Variants in PIAS3 observed in about 807,000 individuals in gnomAD.
The protein encoded by PIAS3 is protein inhibitor of activated STAT 3.
In PIAS3, 34 loss-of-function variants were observed where a neutral mutation model predicts 67.6. The ratio of observed to expected loss-of-function variants is 0.50; its 90% confidence interval spans 0.38 to 0.67. PIAS3 has a LOEUF of 0.67. Among genes scored for constraint, PIAS3 ranks in the 30% least tolerant of loss-of-function variants. The probability of loss-of-function intolerance (pLI) is 0.00; values close to 1 mark genes in which losing one functional copy is unlikely to be tolerated. For synonymous variants in PIAS3, 341 were observed against 313.8 expected (o/e 1.09, Z -0.92); for missense variants, 693 against 791.6 (o/e 0.88, Z 1.49).
chr1:145,858,979 C>T lies in PIAS3; in HGVS notation c.12G>A (p.Leu4=), dbSNP rs782036403. The change falls in exon 1 of 14, where the codon CTG becomes CTA. Residue 4 remains leucine (L), a synonymous_variant. Coordinates refer to ENST00000393045, the MANE Select transcript of PIAS3 (RefSeq NM_006099.3). ...AGGGGGCCGGTACCTTTAATTCGCC[C>T]AGCTCCGCCATCTTGAGACATCGCA... MAE[L]GELKHMVMSF... 1.9e-6 allele frequency: 3 copies of T among 1,543,918 alleles called. No individual in the cohort carries two copies. Among genetic ancestry groups the T allele is most frequent in the Non-Finnish European group, 2.6e-6 (3 of 1,146,124 alleles).
intron 13 of PIAS3, 116 bp downstream of exon 13, chr1:145,850,116 C>T (rs782609555): frequency 6.4e-7 from 1 of 1,568,984 alleles, no homozygotes. Flanking sequence ...CACCCCACTG[C>T]CCTCACGGGA....
At chr1:145,858,945 G>A (rs1553736128) in intron 1 of PIAS3, 22 bp downstream of exon 1, 1 of 1,519,272 alleles carries the variant, frequency 6.6e-7, no homozygotes, top group South Asian at 1.2e-5. Context: ...TCCAGATGGG[G>A]ATGGGGGGAG....
In PIAS3 at chr1:145,855,728, G is replaced by A. The variant is rs782578364; in HGVS notation, c.669+8C>T. On this transcript the variant is annotated splice_region_variant and intron_variant, in intron 5 of 13. Coordinates refer to ENST00000393045, the MANE Select transcript of PIAS3 (RefSeq NM_006099.3). Reference sequence around the variant, plus strand: ...GGATTACTGACAGAAGAAGGGGAGAGCATTTACCGGCAGGGGGCACAGTTT... The same window carrying A: ...GGATTACTGACAGAAGAAGGGGAGAACATTTACCGGCAGGGGGCACAGTTT... The A allele has an allele frequency of 1.4e-6, 2 of 1,480,820 alleles. No homozygotes were observed. The allele number at this position is 1,480,820 out of a possible 1,614,324, so 91.7% of individuals were successfully genotyped here.
chr1:145,857,072 G>A (rs1553735805), intron 1 of PIAS3, 66 bp from the exon 2 acceptor site: 1 of 1,434,122 alleles, frequency 7.0e-7, no homozygotes, highest in African/African-American at 1.4e-5. Context: ...CAAGACATGG[G>A]CTGAGCTACC....
At position 145,851,160 on chromosome 1, in the gene PIAS3, G is replaced by T; in HGVS notation, c.1146-7C>A. The T allele has an allele frequency of 6.2e-7, 1 of 1,613,226 alleles. No homozygotes were observed. Among genetic ancestry groups the T allele is most frequent in the Non-Finnish European group, 8.5e-7 (1 of 1,179,166 alleles). On this transcript the variant is annotated splice_polypyrimidine_tract_variant and splice_region_variant and intron_variant, in intron 9 of 13. Transcript: ENST00000393045. ...AAGAATCTCCATAAATAAACTGGGG[G>T]AAGAGAGAGATGAAAATTCACGGGG...
intron 1 of PIAS3, among the ~76,000 whole-genome samples, chr1:145,858,565 C>T (rs1334504829): frequency 1.3e-5 from 2 of 151,772 alleles, no homozygotes; most frequent in African/African-American, 2.4e-5. Context: ...CTACGTCTGC[C>T]CCGCGGTCCC....
chr1:145,854,793 T>C lies in PIAS3; in HGVS notation c.757A>G (p.Thr253Ala), dbSNP rs781796138. 2 of 1,614,152 alleles carry C rather than the reference T, an allele frequency of 1.2e-6. No homozygotes were observed. The highest frequency in any genetic ancestry group is 1.7e-6 in the Non-Finnish European group (2 of 1,180,024). ...TTGACCACAATGGTGTTGGGAACAG[T>C]GGCTGAGAGTCGAGCCAGGGGTGTG... ...NITPLARLSATVPNTIVVNWS... is the reference protein window; with the variant it reads ...NITPLARLSAAVPNTIVVNWS... Residue 253 changes from threonine to alanine, a missense_variant, in exon 6 of 14, where the codon ACT becomes GCT. This residue lies in a region of PIAS3 where 308 missense variants were observed against 348.8 expected (regional missense o/e 0.88). Coordinates refer to ENST00000393045, the MANE Select transcript of PIAS3 (RefSeq NM_006099.3).
At chr1:145,849,939 G>A (rs587696161) in intron 13 of PIAS3, 34 of 1,422,198 alleles carry the variant, frequency 2.4e-5, no homozygotes, top group African/African-American at 5.7e-5. Context: ...CTTTGTGGGC[G>A]TCTGAAATGT....
chr1:145,851,200 G>C (rs1553734288), intron 9 of PIAS3, 47 bp from the exon 10 acceptor site: 1 of 1,596,584 alleles, frequency 6.3e-7, no homozygotes, highest in East Asian at 2.2e-5. Flanking sequence ...GAGATGAGCA[G>C]AACAGTAGCC....
At chr1:145,854,682 A>T (rs782578824) in intron 6 of PIAS3, 64 bp downstream of exon 6, 15 of 1,610,570 alleles carry the variant, frequency 9.3e-6, no homozygotes, top group Non-Finnish European at 1.3e-5. Context: ...CCAACCCAGG[A>T]CACTGGATGG....
At chr1:145,857,027 G>A in intron 1 of PIAS3, 21 bp from the exon 2 acceptor site, 1 of 1,609,238 alleles carries the variant, frequency 6.2e-7, no homozygotes, top group Non-Finnish European at 8.5e-7. Context: ...AAACAGAGAA[G>A]CTTGAGCATC....
intron 3 of PIAS3, 48 bp downstream of exon 3, chr1:145,856,295 AAGTC>A: frequency 6.8e-7 from 1 of 1,477,776 alleles, no homozygotes; most frequent in African/African-American, 1.4e-5. Context: ...GAAGAGAAGA[AAGTC>A]AGAAAGCAGA....
chr1:145,853,423 AG>A, intron 9 of PIAS3, 80 bp downstream of exon 9: 12 of 1,167,860 alleles, frequency 1.0e-5, no homozygotes, highest in South Asian at 4.9e-5. Flanking sequence ...AAAAAAAAAA[AG>A]AAAAGAAAAA....
At chr1:145,856,215 A>AG (rs1227023393) in intron 3 of PIAS3, 97 bp from the exon 4 acceptor site, 1 of 1,284,172 alleles carries the variant, frequency 7.8e-7, no homozygotes, top group East Asian at 2.3e-5. Context: ...TCCAGGAGAT[A>AG]GAGAAGAGAC....
At chr1:145,856,021 T>C (rs782259032) in intron 4 of PIAS3, 47 bp downstream of exon 4, 20 of 1,490,638 alleles carry the variant, frequency 1.3e-5, no homozygotes, top group Admixed American at 3.3e-5. Context: ...CCTACTTCAC[T>C]CCTACCCCCA....
intron 4 of PIAS3, 85 bp from the exon 5 acceptor site, chr1:145,855,911 C>T: frequency 9.1e-7 from 1 of 1,093,718 alleles, no homozygotes; most frequent in African/African-American, 1.5e-5. Flanking sequence ...CCCAGAAAAT[C>T]AGTCATAGAT....
chr1:145,854,636 G>T (rs1653088153), intron 6 of PIAS3, 73 bp from the exon 7 acceptor site: 1 of 1,576,342 alleles, frequency 6.3e-7, no homozygotes, highest in Non-Finnish European at 8.7e-7. Flanking sequence ...GTTCCATGAG[G>T]ACCAGAGACA....
At chr1:145,850,361 G>A in intron 12 of PIAS3, 92 bp from the exon 13 acceptor site, 1 of 1,611,638 alleles carries the variant, frequency 6.2e-7, no homozygotes, top group Non-Finnish European at 8.5e-7. Context: ...CCTTGCAGGA[G>A]AAGCAGGAGG....
chr1:145,851,252 C>G, intron 9 of PIAS3, 99 bp from the exon 10 acceptor site: 1 of 1,242,134 alleles, frequency 8.1e-7, no homozygotes, highest in Non-Finnish European at 1.2e-6. Context: ...GTTTCCTCAT[C>G]TGTAAAATAA....
Sources: allele counts gnomAD v4.1 joint callset (sites outside exome capture counted in the v4.1 genomes callset), GRCh38; gene constraint gnomAD v4.1.1; regional missense constraint gnomAD v4.1.1; transcripts MANE v1.5; gene names NCBI Gene and HGNC (gene_info 2026-07-23, HGNC 2026-07-21).